Variants in SERGEF observed in about 807,000 individuals in gnomAD.
The protein encoded by SERGEF is secretion regulating guanine nucleotide exchange factor, also known as secretion-regulating guanine nucleotide exchange factor.
A neutral mutation model predicts 50.0 loss-of-function variants in SERGEF; 51 were observed. The observed-to-expected ratio is 1.02, with a 90% CI of 0.81 to 1.29. SERGEF has a LOEUF of 1.29. SERGEF is among the 50% of genes most tolerant of loss of function. The pLI is 0.00. For missense variants in SERGEF, 521 were observed against 557.0 expected, an observed-to-expected ratio of 0.94 and a Z score of 0.65; for synonymous variants, 205 against 212.4, an observed-to-expected ratio of 0.97 and a Z score of 0.30.
intron 1 of SERGEF, chr11:18,010,112 T>G (rs1458754616): frequency 2.4e-5 from 30 of 1,260,664 alleles, no homozygotes; most frequent in Non-Finnish European, 2.9e-5. Flanking sequence ...AAGTAAAATC[T>G]TTTAAATATG....
chr11:17,955,984 A>C (rs890637454), intron 9 of SERGEF, among the ~76,000 whole-genome samples: 1 of 152,200 alleles, frequency 6.6e-6, no homozygotes, highest in Non-Finnish European at 1.5e-5. Flanking sequence ...ACCTGTTCAC[A>C]TACATCCTGC....
At chr11:17,986,770 C>T (rs1853608402) in intron 8 of SERGEF, among the ~76,000 whole-genome samples, 1 of 152,234 alleles carries the variant, frequency 6.6e-6, no homozygotes, top group Non-Finnish European at 1.5e-5. Context: ...CCATGAAATG[C>T]CTACCTGTGA....
At chr11:17,960,493 A>C (rs1852974399) in intron 8 of SERGEF, among the ~76,000 whole-genome samples, 1 of 152,240 alleles carries the variant, frequency 6.6e-6, no homozygotes, top group Non-Finnish European at 1.5e-5. Context: ...CTCTGCAATA[A>C]ATATGCATAA....
At chr11:17,886,327 A>T (rs1851428659) in intron 9 of SERGEF, among the ~76,000 whole-genome samples, 1 of 152,164 alleles carries the variant, frequency 6.6e-6, no homozygotes, top group African/African-American at 2.4e-5. Flanking sequence ...AGAGTTCTTC[A>T]AGCTGGACAC....
At chr11:17,861,594 T>C (rs1193484175) in intron 10 of SERGEF, among the ~76,000 whole-genome samples, 2 of 152,264 alleles carry the variant, frequency 1.3e-5, no homozygotes, top group Admixed American at 6.5e-5. Flanking sequence ...AAGAGCCTGA[T>C]ACACTATGAA....
intron 10 of SERGEF, chr11:17,846,755 A>T (rs1484461715): frequency 2.2e-6 from 1 of 456,292 alleles, no homozygotes; most frequent in East Asian, 6.9e-5. Context: ...CTTACCTTGC[A>T]GAGATACTGC....
chr11:17,819,145 C>G lies in SERGEF; in HGVS notation c.1049-30732G>C, dbSNP rs559974907. Among the ~76,000 whole-genome samples the G allele has an allele frequency of 2.0e-5, 3 of 152,316 alleles. No individual in the cohort carries two copies. In the East Asian group the frequency reaches 5.8e-4, roughly 29 times the overall value. On this transcript the variant is annotated intron_variant, in intron 10 of 10. Transcript: ENST00000265965. ...GAGTCTGAAGACTCCTTTTTAATAT[C>G]AAAGAATTTCAGGATCTTCATATAC...
intron 9 of SERGEF, among the ~76,000 whole-genome samples, chr11:17,955,858 A>G (rs1335828647): frequency 6.6e-6 from 1 of 152,232 alleles, no homozygotes; most frequent in Non-Finnish European, 1.5e-5. Context: ...GTTAGTTAAC[A>G]TTCCCAGGTC....
chr11:17,940,952 T>C (rs949009868), intron 9 of SERGEF, among the ~76,000 whole-genome samples: 7 of 152,200 alleles, frequency 4.6e-5, no homozygotes, highest in Non-Finnish European at 1.0e-4. Flanking sequence ...CCAATATTTA[T>C]TATAAACATT....
chr11:17,911,177 T>C (rs991428079), intron 9 of SERGEF, among the ~76,000 whole-genome samples: 1 of 151,720 alleles, frequency 6.6e-6, no homozygotes, highest in Non-Finnish European at 1.5e-5. Flanking sequence ...TGCAATCCAA[T>C]ATGGTAAATT....
At chr11:17,842,098 G>T (rs1850513473) in intron 10 of SERGEF, among the ~76,000 whole-genome samples, 1 of 151,816 alleles carries the variant, frequency 6.6e-6, no homozygotes. Flanking sequence ...AACAGTGTCT[G>T]AGTCCTTCCA....
chr11:17,945,713 A>G (rs66813449), intron 9 of SERGEF, among the ~76,000 whole-genome samples: 50,133 of 152,068 alleles, frequency 0.33, 9,514 homozygotes, highest in East Asian at 0.49. Context: ...TTGGGAGGCT[A>G]AGGCAGGCGG....
intron 5 of SERGEF, among the ~76,000 whole-genome samples, chr11:18,000,122 T>A (rs1015869224): frequency 2.6e-5 from 4 of 152,188 alleles, no homozygotes; most frequent in Non-Finnish European, 5.9e-5. Flanking sequence ...CTCCTAAAGT[T>A]AAGTTTCCTC....
intron 10 of SERGEF, among the ~76,000 whole-genome samples, chr11:17,796,372 A>G (rs1695964806): frequency 6.6e-6 from 1 of 152,190 alleles, no homozygotes; most frequent in Non-Finnish European, 1.5e-5. Context: ...CAGGTGTTGG[A>G]AACTTAATCC....
intron 9 of SERGEF, among the ~76,000 whole-genome samples, chr11:17,947,950 CT>C (rs397848456): frequency 0.022 from 2,892 of 133,514 alleles, 72 homozygotes; most frequent in African/African-American, 0.069. Flanking sequence ...CTAATCCATT[CT>C]TTTTTTTTTT....
chr11:17,842,399 G>A (rs954857790), intron 10 of SERGEF, among the ~76,000 whole-genome samples: 1 of 152,146 alleles, frequency 6.6e-6, no homozygotes, highest in Non-Finnish European at 1.5e-5. Flanking sequence ...TTCTATAGAT[G>A]AAGACACCAC....
chr11:17,970,395 C>T (rs1590225067), intron 8 of SERGEF, among the ~76,000 whole-genome samples: 2 of 152,148 alleles, frequency 1.3e-5, no homozygotes, highest in Non-Finnish European at 2.9e-5. Flanking sequence ...ACCGACCAGC[C>T]CTTCTTCCAT....
intron 5 of SERGEF, among the ~76,000 whole-genome samples, chr11:17,997,236 T>C (rs529213371): frequency 1.3e-5 from 2 of 152,048 alleles, no homozygotes; most frequent in Non-Finnish European, 2.9e-5. Flanking sequence ...TGCAAAGGAT[T>C]TGAATAGACA....
chr11:17,886,145 C>T (rs573519079), intron 9 of SERGEF, among the ~76,000 whole-genome samples: 14 of 152,192 alleles, frequency 9.2e-5, no homozygotes, highest in South Asian at 8.3e-4. Context: ...ATCTGTAAAA[C>T]GGAATTCAAA....
Sources: gnomAD v4.1 joint callset for allele counts (sites outside exome capture counted in the v4.1 genomes callset) on GRCh38, gnomAD v4.1.1 for gene constraint, MANE v1.5 for transcripts, NCBI Gene and HGNC (gene_info 2026-07-23, HGNC 2026-07-21) for gene names.